MAP3K13: variants seen among roughly 807,000 people sequenced by gnomAD.
MAP3K13 encodes the protein mitogen-activated protein kinase kinase kinase 13.
In MAP3K13, 52 loss-of-function variants were observed where a neutral mutation model predicts 104.0. That is an observed-to-expected ratio of 0.50 (90% CI 0.40 to 0.63). MAP3K13 has a LOEUF of 0.63. MAP3K13 is among the 20% of genes least tolerant of loss of function. MAP3K13 has a pLI of 0.00. For missense variants in MAP3K13, 914 were observed against 1,218.5 expected (o/e 0.75, Z 3.72); for synonymous variants, 394 against 442.2 (o/e 0.89, Z 1.37).
intron 10 of MAP3K13, 73 bp from the exon 11 acceptor site, chr3:185,472,895 ATTTTAAG>A: frequency 7.7e-7 from 1 of 1,306,236 alleles, no homozygotes; most frequent in Admixed American, 1.9e-5. Context: ...GGCTCTGTGT[ATTTTAAG>A]TCTTAGGATA....
intron 2 of MAP3K13, among the ~76,000 whole-genome samples, chr3:185,349,578 G>A (rs979435234): frequency 2.0e-5 from 3 of 152,172 alleles, no homozygotes; most frequent in Admixed American, 6.5e-5. Context: ...TTCAAAAACT[G>A]TATTTTGGAA....
chr3:185,437,834 G>A (rs951856585), intron 3 of MAP3K13, among the ~76,000 whole-genome samples: 2 of 152,092 alleles, frequency 1.3e-5, no homozygotes, highest in Non-Finnish European at 2.9e-5. Flanking sequence ...TTTTGCCGAA[G>A]TATGTGCAAA....
intron 2 of MAP3K13, among the ~76,000 whole-genome samples, chr3:185,319,183 C>A (rs948486308): frequency 2.0e-5 from 3 of 151,982 alleles, no homozygotes; most frequent in Non-Finnish European, 4.4e-5. Context: ...TATAGCATTC[C>A]TCATTAGTTT....
rs1718571066 is a variant in MAP3K13 at position 185,483,468 on chromosome 3, A to G, written c.*1012A>G. The G allele has an allele frequency of 4.3e-6, 1 of 230,428 alleles. No homozygotes were observed. Among genetic ancestry groups the G allele is most frequent in the Non-Finnish European group, 8.6e-6 (1 of 116,408 alleles). 14.3% of individuals were successfully genotyped at this position (230,428 alleles called of 1,614,324 possible). On this transcript the variant is annotated 3_prime_UTR_variant, in exon 14 of 14. Transcript: ENST00000265026. ...AGGGTGAGAGAGGAAGAACATCTAC[A>G]GTGGTGTTAGGAAAACGAACGTGGA...
intron 1 of MAP3K13, among the ~76,000 whole-genome samples, chr3:185,380,187 A>AAAAAC (rs71162302): frequency 7.0e-6 from 1 of 142,730 alleles, no homozygotes; most frequent in Non-Finnish European, 1.5e-5. Flanking sequence ...CTCCGTCTCA[A>AAAAAC]AAAACAAAAC....
At chr3:185,359,320 C>A (rs369399206), upstream of MAP3K13, among the ~76,000 whole-genome samples, 1 of 152,180 alleles carries the variant, frequency 6.6e-6, no homozygotes, top group African/African-American at 2.4e-5. Flanking sequence ...TTCAATTACC[C>A]CCCACCAGAT....
At chr3:185,410,849 C>T (rs6805507) in intron 1 of MAP3K13, among the ~76,000 whole-genome samples, 93,995 of 151,284 alleles carry the variant, frequency 0.62, 29,589 homozygotes, top group Non-Finnish European at 0.68. Flanking sequence ...GCAGGAGAAT[C>T]GCTTGAACTC....
At position 185,450,961 on chromosome 3, in the gene MAP3K13, G is replaced by T. The variant is rs1715848379; in HGVS notation, c.1170-326G>T. ...AAAAATTAGCCAGGTCTGGTGGCGG[G>T]TGCCTGTAGTCCCAGCTACTCAGGA... On this transcript the variant is annotated intron_variant, in intron 6 of 13. Transcript: ENST00000265026. This position sits in a 1 kb window ranked among gnomAD's most constrained non-coding sequence, Gnocchi z 4.2. 6.6e-6 allele frequency among the ~76,000 whole-genome samples: 1 copy of T among 152,100 alleles called. No homozygotes were observed. Among genetic ancestry groups the T allele is most frequent in the Admixed American group, 6.5e-5 (1 of 15,274 alleles).
intron 2 of MAP3K13, among the ~76,000 whole-genome samples, chr3:185,327,709 T>G (rs778045659): frequency 1.8e-4 from 27 of 152,092 alleles, no homozygotes; most frequent in Non-Finnish European, 3.5e-4. Flanking sequence ...GTCAGGAGTT[T>G]GCGACCAGCC....
At chr3:185,324,102 C>G (rs1428748214) in intron 2 of MAP3K13, among the ~76,000 whole-genome samples, 1 of 152,192 alleles carries the variant, frequency 6.6e-6, no homozygotes, top group Non-Finnish European at 1.5e-5. Flanking sequence ...GCTCTGCCTC[C>G]TGGGTTCACG....
At chr3:185,343,600 G>C (rs935674007) in intron 2 of MAP3K13, among the ~76,000 whole-genome samples, 1 of 152,052 alleles carries the variant, frequency 6.6e-6, no homozygotes, top group East Asian at 1.9e-4. Context: ...CTACAGGCAC[G>C]TGCCACCATG....
chr3:185,282,991 C>G (rs530768898), exon 1 of MAP3K13: 1 of 152,422 alleles, frequency 6.6e-6, no homozygotes, highest in African/African-American at 2.4e-5. Flanking sequence ...TGGGGCGGAG[C>G]GTCTGGGATG....
chr3:185,368,517 G>C (rs1258295285), intron 1 of MAP3K13, among the ~76,000 whole-genome samples: 3 of 152,200 alleles, frequency 2.0e-5, no homozygotes, highest in Admixed American at 2.0e-4. Flanking sequence ...TGGAAGGTAA[G>C]AAGTTGGAGG....
At chr3:185,466,541 T>C (rs1174495921) in intron 9 of MAP3K13, among the ~76,000 whole-genome samples, 1 of 152,002 alleles carries the variant, frequency 6.6e-6, no homozygotes, top group Non-Finnish European at 1.5e-5. Context: ...CATGCCCAGC[T>C]AATTTTTGTA....
chr3:185,370,369 A>T (rs1250655010), intron 1 of MAP3K13, among the ~76,000 whole-genome samples: 1 of 151,772 alleles, frequency 6.6e-6, no homozygotes, highest in Non-Finnish European at 1.5e-5. Flanking sequence ...TAATTTTTGT[A>T]TTTTTTAGTA....
intron 12 of MAP3K13, among the ~76,000 whole-genome samples, chr3:185,479,099 G>A (rs1002971720): frequency 3.3e-5 from 5 of 152,168 alleles, no homozygotes; most frequent in Non-Finnish European, 7.3e-5. Flanking sequence ...TGGCTCATCA[G>A]AGCCAAACTC....
Position 185,463,560 on chromosome 3 carries a change from GAGA to G in MAP3K13, c.1295_1297del (p.Glu432del). On this transcript the variant is annotated inframe_deletion, in exon 8 of 14. Coordinates refer to ENST00000265026, the MANE Select transcript of MAP3K13 (RefSeq NM_004721.5). ...TTTGTCCTTACCCAGGCTGAATGGAGAGAAGAAGTGAAAAAACATTTTGAGAAG... is the reference window on the plus strand; with the variant it reads ...TTTGTCCTTACCCAGGCTGAATGGAGAGAAGTGAAAAAACATTTTGAGAAG... The G allele has an allele frequency of 1.3e-6, 2 of 1,596,724 alleles. No homozygotes were observed. Among genetic ancestry groups the G allele is most frequent in the Non-Finnish European group, 1.7e-6 (2 of 1,164,832 alleles).
chr3:185,405,789 A>T (rs1713081079), intron 1 of MAP3K13, among the ~76,000 whole-genome samples: 1 of 152,188 alleles, frequency 6.6e-6, no homozygotes, highest in African/African-American at 2.4e-5. Context: ...GTACTTGCTT[A>T]CTTGCTTATC....
chr3:185,387,901 A>G (rs1711789919), intron 1 of MAP3K13, among the ~76,000 whole-genome samples: 1 of 152,182 alleles, frequency 6.6e-6, no homozygotes, highest in African/African-American at 2.4e-5. Flanking sequence ...ACATGCTCTT[A>G]TATATAGAAA....
Sources: allele counts gnomAD v4.1 joint callset (sites outside exome capture counted in the v4.1 genomes callset), GRCh38; gene constraint gnomAD v4.1.1; non-coding constraint Gnocchi (gnomAD v3.1); transcripts MANE v1.5; gene names NCBI Gene and HGNC (gene_info 2026-07-23, HGNC 2026-07-21).